ANXA8: variants seen among roughly 807,000 people sequenced by gnomAD.
The protein encoded by ANXA8 is annexin A8.
ANXA8 carries 9 observed loss-of-function variants against 26.8 expected under a neutral mutation model. That is an observed-to-expected ratio of 0.34 (90% CI 0.20 to 0.59). ANXA8 has a LOEUF of 0.59. ANXA8 is among the 20% of genes least tolerant of loss of function. ANXA8 has a pLI of 0.84. For synonymous variants in ANXA8, 39 were observed against 94.8 expected (o/e 0.41, Z 3.42); for missense variants, 83 against 238.5 (o/e 0.35, Z 4.29).
At chr10:47,581,035 C>G in the ANXA8 span, among the ~76,000 whole-genome samples, 2 of 150,256 alleles carry the variant, frequency 1.3e-5, no homozygotes, top group Non-Finnish European at 2.9e-5. Flanking sequence ...GAGATCACGC[C>G]GCTGCACTCA....
chr10:47,515,496 TA>T, the ANXA8 span, among the ~76,000 whole-genome samples: 13 of 35,468 alleles, frequency 3.7e-4, no homozygotes, highest in Non-Finnish European at 5.6e-4. Context: ...GGGTAAAATG[TA>T]AAAAAAAAAA....
the ANXA8 span, among the ~76,000 whole-genome samples, chr10:47,570,650 T>C: frequency 1.7e-4 from 26 of 150,370 alleles, no homozygotes; most frequent in Middle Eastern, 6.8e-3. Context: ...AGCGTGATGG[T>C]GCATGGCTGT....
the ANXA8 span, among the ~76,000 whole-genome samples, chr10:47,559,235 A>T: frequency 4.1e-4 from 56 of 135,612 alleles, 1 homozygote; most frequent in Non-Finnish European, 5.3e-4. Flanking sequence ...CACTGTAACC[A>T]CCGCCTTAGC....
chr10:47,704,735 T>G, the ANXA8 span, among the ~76,000 whole-genome samples: 1 of 151,970 alleles, frequency 6.6e-6, no homozygotes, highest in East Asian at 1.9e-4. Flanking sequence ...ATTTCTAGAG[T>G]AGAGCGACTA....
the ANXA8 span, among the ~76,000 whole-genome samples, chr10:47,666,188 C>T: frequency 2.1e-5 from 3 of 145,792 alleles, no homozygotes; most frequent in African/African-American, 5.3e-5. Flanking sequence ...ACCCGCCCCC[C>T]CCATCCCCCA....
the ANXA8 span, among the ~76,000 whole-genome samples, chr10:47,658,017 T>A: frequency 4.0e-5 from 6 of 151,846 alleles, no homozygotes; most frequent in Non-Finnish European, 7.3e-5. Flanking sequence ...AAATCGTCTC[T>A]AGAACATGTG....
chr10:47,559,175 G>A, the ANXA8 span, among the ~76,000 whole-genome samples: 12,661 of 111,066 alleles, frequency 0.11, 1,194 homozygotes, highest in East Asian at 0.41. Context: ...TTTTTGAGGC[G>A]GAGTCTCAAA....
At chr10:47,968,253 C>T in the ANXA8 span, among the ~76,000 whole-genome samples, 1 of 150,944 alleles carries the variant, frequency 6.6e-6, no homozygotes, top group Non-Finnish European at 1.5e-5. Context: ...AAATCTGCCA[C>T]TGCCATAGCT....
chr10:47,561,695 C>T, the ANXA8 span, among the ~76,000 whole-genome samples: 1 of 151,734 alleles, frequency 6.6e-6, no homozygotes, highest in Admixed American at 6.6e-5. Flanking sequence ...ATTTGAGTGC[C>T]TAATGTATGC....
At chr10:47,695,334 A>G in the ANXA8 span, among the ~76,000 whole-genome samples, 1 of 150,954 alleles carries the variant, frequency 6.6e-6, no homozygotes, top group African/African-American at 2.4e-5. Context: ...TGTGTAATGT[A>G]AAACAGTAGT....
the ANXA8 span, among the ~76,000 whole-genome samples, chr10:47,949,034 A>G: frequency 1.5e-5 from 2 of 132,946 alleles, no homozygotes; most frequent in Non-Finnish European, 3.1e-5. Flanking sequence ...TTTGAACTGG[A>G]AGTACACCAT....
At chr10:47,671,163 C>G in the ANXA8 span, among the ~76,000 whole-genome samples, 1 of 151,918 alleles carries the variant, frequency 6.6e-6, no homozygotes. Context: ...TGGCTCACAT[C>G]TATAATCCCA....
chr10:47,991,737 A>G, the ANXA8 span: 1 of 1,610,588 alleles, frequency 6.2e-7, no homozygotes, highest in East Asian at 2.2e-5. Flanking sequence ...CACGGAGATG[A>G]AGAGACACAG....
chr10:47,896,904 T>TTTTTTTTATTTATTTA, the ANXA8 span, among the ~76,000 whole-genome samples: 85 of 146,018 alleles, frequency 5.8e-4, no homozygotes, highest in African/African-American at 2.1e-3. Flanking sequence ...AATGAAGAGA[T>TTTTTTTTATTTATTTA]TTTATTTATT....
the ANXA8 span, among the ~76,000 whole-genome samples, chr10:47,552,685 T>C: frequency 6.6e-6 from 1 of 152,108 alleles, no homozygotes; most frequent in South Asian, 2.1e-4. Context: ...TGGTAGTCAC[T>C]GAATCTGTGA....
At chr10:47,502,747 T>C in the ANXA8 span, 2 of 1,591,834 alleles carry the variant, frequency 1.3e-6, no homozygotes, top group Non-Finnish European at 1.7e-6. Context: ...GGCCTCACTC[T>C]GGCTGGTCAG....
chr10:47,756,734 G>C, the ANXA8 span, among the ~76,000 whole-genome samples: 3 of 152,400 alleles, frequency 2.0e-5, no homozygotes, highest in East Asian at 5.8e-4. Context: ...AAATGGGGTG[G>C]GACATGTGGG....
chr10:47,493,705 A>T, the ANXA8 span, among the ~76,000 whole-genome samples: 3 of 150,812 alleles, frequency 2.0e-5, no homozygotes, highest in Admixed American at 2.0e-4. Context: ...AGCCAGGCCC[A>T]CCATGGCCTC....
chr10:47,513,079 C>T, the ANXA8 span, among the ~76,000 whole-genome samples: 1 of 142,300 alleles, frequency 7.0e-6, no homozygotes, highest in Non-Finnish European at 1.5e-5. Context: ...GTTGCCCAGG[C>T]TGGAGTATGC....
Sources: allele counts gnomAD v4.1 joint callset (sites outside exome capture counted in the v4.1 genomes callset), GRCh38; gene constraint gnomAD v4.1.1; transcripts MANE v1.5; gene names NCBI Gene and HGNC (gene_info 2026-07-23, HGNC 2026-07-21).